Variants in DLGAP2 observed in about 807,000 individuals in gnomAD.
The protein encoded by DLGAP2 is DLG associated protein 2.
DLGAP2 carries 26 observed loss-of-function variants against 100.3 expected under a neutral mutation model. The observed-to-expected ratio is 0.26, with a 90% CI of 0.19 to 0.36. The LOEUF is 0.36. DLGAP2 is among the 10% of genes least tolerant of loss of function. The probability of loss-of-function intolerance (pLI) is 1.00; values close to 1 mark genes in which losing one functional copy is unlikely to be tolerated. For synonymous variants in DLGAP2, 886 were observed against 630.1 expected (o/e 1.41, Z -6.08); for missense variants, 1,858 against 1,453.2 (o/e 1.28, Z -4.53).
chr8:994,355 C>T (rs1389027228), intron 2 of DLGAP2, among the ~76,000 whole-genome samples: 1 of 152,062 alleles, frequency 6.6e-6, no homozygotes, highest in Non-Finnish European at 1.5e-5. Flanking sequence ...CATGGGCCAC[C>T]ATGCCTGGCT....
intron 3 of DLGAP2, among the ~76,000 whole-genome samples, chr8:1,492,665 C>G (rs577204465): frequency 6.6e-6 from 1 of 152,376 alleles, no homozygotes; most frequent in South Asian, 2.1e-4. Context: ...CTGACCCCTC[C>G]TCACAGCCGG....
At chr8:1,424,741 C>G (rs950746632) in intron 3 of DLGAP2, among the ~76,000 whole-genome samples, 11 of 151,750 alleles carry the variant, frequency 7.2e-5, no homozygotes, top group Non-Finnish European at 1.5e-4. Context: ...GATCCCCTTA[C>G]ACGCAGCACC....
chr8:1,444,060 A>G (rs1302638693), intron 3 of DLGAP2, among the ~76,000 whole-genome samples: 1 of 152,074 alleles, frequency 6.6e-6, no homozygotes, highest in African/African-American at 2.4e-5. Context: ...GATGGAGGAA[A>G]AAAACCATGC....
At chr8:1,260,462 T>C (rs1368017267) in intron 3 of DLGAP2, among the ~76,000 whole-genome samples, 2 of 152,220 alleles carry the variant, frequency 1.3e-5, no homozygotes, top group African/African-American at 4.8e-5. Context: ...GGGTGTGTTT[T>C]GTTGTCACAT....
chr8:1,005,449 C>A (rs922155954), intron 2 of DLGAP2, among the ~76,000 whole-genome samples: 4 of 148,478 alleles, frequency 2.7e-5, no homozygotes, highest in Non-Finnish European at 4.4e-5. Flanking sequence ...TGCTCTGTCA[C>A]CCAGGCTGGA....
intron 3 of DLGAP2, among the ~76,000 whole-genome samples, chr8:1,328,576 C>T (rs530938214): frequency 6.6e-6 from 1 of 152,204 alleles, no homozygotes; most frequent in African/African-American, 2.4e-5. Context: ...GTCTTGAACT[C>T]CTGACCTCAG....
intron 1 of DLGAP2, among the ~76,000 whole-genome samples, chr8:848,865 C>T (rs62486370): frequency 0.23 from 33,879 of 145,734 alleles, 4,498 homozygotes; most frequent in Non-Finnish European, 0.29. Flanking sequence ...AGCATAGGAT[C>T]GCGCGGTGTC....
intron 3 of DLGAP2, among the ~76,000 whole-genome samples, chr8:1,466,543 G>GTA (rs5888834): frequency 6.5e-5 from 9 of 138,090 alleles, no homozygotes; most frequent in Admixed American, 6.5e-4. Flanking sequence ...GTGTGTGTGT[G>GTA]TATGTGTGTG....
chr8:796,745 C>T (rs1040130025), intron 1 of DLGAP2, among the ~76,000 whole-genome samples: 2 of 152,210 alleles, frequency 1.3e-5, no homozygotes, highest in Admixed American at 6.5e-5. Context: ...ATGACGCCTT[C>T]ATGGCCCCAT....
At chr8:1,075,033 C>G (rs1189811262) in intron 2 of DLGAP2, among the ~76,000 whole-genome samples, 2 of 151,878 alleles carry the variant, frequency 1.3e-5, no homozygotes, top group Non-Finnish European at 2.9e-5. Flanking sequence ...GGGATGGCGA[C>G]TACATCTCAC....
Position 790,085 on chromosome 8 carries a change from C to T in DLGAP2, c.18+52260C>T, listed in dbSNP as rs1821988171. Among the ~76,000 whole-genome samples, 4 of 152,150 alleles carry T rather than the reference C, an allele frequency of 2.6e-5. No individual in the cohort carries two copies. The South Asian group carries it at 6.2e-4, about 24-fold the overall frequency. On this transcript the variant is annotated intron_variant, in intron 1 of 14. Transcript: ENST00000637795. ...GGCTCCTGTTCTACACTCCCCAGAG[C>T]CAGAGCCAGTGGAGAAAGTAAGAAT...
At chr8:1,356,398 A>G (rs1219585141) in intron 3 of DLGAP2, among the ~76,000 whole-genome samples, 1 of 152,188 alleles carries the variant, frequency 6.6e-6, no homozygotes, top group Non-Finnish European at 1.5e-5. Flanking sequence ...GCCAACCAGA[A>G]AAATAAAACC....
intron 1 of DLGAP2, among the ~76,000 whole-genome samples, chr8:894,177 G>T (rs1798093473): frequency 6.6e-6 from 1 of 152,220 alleles, no homozygotes; most frequent in Admixed American, 6.5e-5. Context: ...GAGCCCTTGG[G>T]TGGGAGACGC....
chr8:1,171,730 G>T (rs4392929), intron 2 of DLGAP2, among the ~76,000 whole-genome samples: 104,288 of 151,122 alleles, frequency 0.69, 37,658 homozygotes, highest in Admixed American at 0.8. Flanking sequence ...GTTTTCCATT[G>T]GCTTGGTAGA....
intron 2 of DLGAP2, among the ~76,000 whole-genome samples, chr8:963,405 C>A (rs1174527838): frequency 6.6e-6 from 1 of 152,110 alleles, no homozygotes; most frequent in East Asian, 1.9e-4. Context: ...TAAAGAATAA[C>A]CTTTTACTGC....
chr8:1,243,402 T>C (rs1217601227), intron 2 of DLGAP2, among the ~76,000 whole-genome samples: 2 of 152,142 alleles, frequency 1.3e-5, no homozygotes, highest in Admixed American at 1.3e-4. Flanking sequence ...CGGTCATTCC[T>C]CCTGCGCAGC....
chr8:1,299,872 C>A (rs1373270406), intron 3 of DLGAP2: 1 of 152,180 alleles, frequency 6.6e-6, no homozygotes, highest in Non-Finnish European at 1.5e-5. Context: ...GGAACTCCCA[C>A]AACAAAACAC....
intron 1 of DLGAP2, among the ~76,000 whole-genome samples, chr8:859,146 C>G (rs527281687): frequency 1.3e-5 from 2 of 148,688 alleles, no homozygotes; most frequent in South Asian, 2.1e-4. Flanking sequence ...GAGTCTCGCT[C>G]TATTGCCCAG....
intron 3 of DLGAP2, among the ~76,000 whole-genome samples, chr8:1,419,632 C>T (rs1273905870): frequency 6.6e-6 from 1 of 152,082 alleles, no homozygotes; most frequent in African/African-American, 2.4e-5. Flanking sequence ...TCACTAATCC[C>T]CAGGGAAGTG....
Sources: allele counts gnomAD v4.1 joint callset (sites outside exome capture counted in the v4.1 genomes callset), GRCh38; gene constraint gnomAD v4.1.1; transcripts MANE v1.5; gene names NCBI Gene and HGNC (gene_info 2026-07-23, HGNC 2026-07-21).